Variants in ZFPM1 observed in about 807,000 individuals in gnomAD.
The protein encoded by ZFPM1 is zinc finger protein, FOG family member 1.
ZFPM1 carries 28 observed loss-of-function variants against 46.3 expected under a neutral mutation model. The observed-to-expected ratio is 0.60, with a 90% CI of 0.45 to 0.83. The LOEUF (loss-of-function observed/expected upper bound fraction) is 0.83. Among genes scored for constraint, ZFPM1 ranks in the 40% least tolerant of loss-of-function variants. The pLI is 0.00. For missense variants in ZFPM1, 1,878 were observed against 1,432.4 expected (o/e 1.31, Z -5.02); for synonymous variants, 957 against 675.9 (o/e 1.42, Z -6.45).
In ZFPM1 at chr16:88,533,221, G is replaced by A. The variant is rs1201688456; in HGVS notation, c.1263G>A (p.Ala421=). ...GPLASADLGL[A]PTPSPGLDRK... The stretch of plus-strand genomic sequence containing the variant: ...TGGCCTCCGCGGACCTGGGCCTGGC[G>A]CCCACCCCATCGCCAGGACTGGACA... Residue 421 remains alanine (A), a synonymous_variant, in exon 10 of 10, where the codon GCG becomes GCA. Coordinates refer to ENST00000319555, the MANE Select transcript of ZFPM1 (RefSeq NM_153813.3). 2.6e-6 allele frequency: 4 copies of A among 1,562,220 alleles called. No homozygotes were observed. The highest frequency in any genetic ancestry group is 3.7e-5 in the Admixed American group (2 of 53,498).
rs553868840 is a variant in ZFPM1 at position 88,509,759 on chromosome 16, A to G, written c.269-4628A>G. On this transcript the variant is annotated intron_variant, in intron 3 of 9. Transcript: ENST00000319555. ...GGATCCTCTGTCAGAGAGCAGCTTC[A>G]GGGTCTGGTCTCGGGAGCAACTGCC... Among the ~76,000 whole-genome samples the G allele has an allele frequency of 1.6e-4, 24 of 152,268 alleles. No homozygotes were observed. In the South Asian group the frequency reaches 4.8e-3, roughly 30 times the overall value.
At chr16:88,476,961 C>T (rs1157356419) in intron 1 of ZFPM1, among the ~76,000 whole-genome samples, 1 of 152,268 alleles carries the variant, frequency 6.6e-6, no homozygotes, top group Non-Finnish European at 1.5e-5. Flanking sequence ...GCTAGACACA[C>T]AGTGTGATAG....
intron 3 of ZFPM1, among the ~76,000 whole-genome samples, chr16:88,503,008 G>A (rs1217570961): frequency 1.3e-5 from 2 of 152,272 alleles, no homozygotes; most frequent in South Asian, 2.1e-4. Context: ...CTGGAAGGCT[G>A]TGTGCGGTCT....
At chr16:88,452,720 G>C (rs1016986995), upstream of ZFPM1, among the ~76,000 whole-genome samples, 2 of 152,394 alleles carry the variant, frequency 1.3e-5, no homozygotes, top group East Asian at 1.9e-4. Flanking sequence ...GTCTAGGGAG[G>C]GACCAAGGGC....
chr16:88,517,984 G>A (rs1263787575), intron 4 of ZFPM1, among the ~76,000 whole-genome samples: 2 of 152,142 alleles, frequency 1.3e-5, no homozygotes, highest in African/African-American at 4.8e-5. Flanking sequence ...GCCGAGGTGG[G>A]CGGATCATGA....
chr16:88,510,142 A>G (rs1357980605), intron 3 of ZFPM1, among the ~76,000 whole-genome samples: 2 of 152,102 alleles, frequency 1.3e-5, no homozygotes, highest in Non-Finnish European at 2.9e-5. Context: ...AGCCCGAGGG[A>G]ACGTCATGCT....
Position 88,514,379 on chromosome 16 carries a change from C to T in ZFPM1, c.269-8C>T, listed in dbSNP as rs1241305449. ...GGCACGCCTCATGCCTGCGATGTCT[C>T]TCTGCAGACGAGCTGGAGCCGGTGG... On this transcript the variant is annotated splice_region_variant and splice_polypyrimidine_tract_variant and intron_variant, in intron 3 of 9. Transcript: ENST00000319555. The T allele has an allele frequency of 1.9e-6, 3 of 1,563,742 alleles. No homozygotes were observed. Among genetic ancestry groups the T allele is most frequent in the Non-Finnish European group, 1.7e-6 (2 of 1,154,988 alleles).
intron 4 of ZFPM1, among the ~76,000 whole-genome samples, chr16:88,525,402 TGCACAAACCTGTCCCGGGCCA>T (rs1912235954): frequency 6.6e-6 from 1 of 152,246 alleles, no homozygotes; most frequent in Non-Finnish European, 1.5e-5. Flanking sequence ...ACCACAGGGC[TGCACAAACCTGTCCCGGGCCA>T]GCGGCAGCAT....
At position 88,453,664 on chromosome 16, in the gene ZFPM1, C is replaced by A; in HGVS notation, c.26C>A (p.Pro9His). 8.3e-7 allele frequency: 1 copy of A among 1,200,170 alleles called. No homozygotes were observed. The highest frequency in any genetic ancestry group is 1.1e-6 in the Non-Finnish European group (1 of 948,410). The allele number at this position is 1,200,170 out of a possible 1,614,324, so 74.3% of individuals were successfully genotyped here. ...ATGTCCAGGCGGAAACAGAGCAACC[C>A]CCGGCAGATCAAGCGTGAGTCAAAC... MSRRKQSN[P>H]RQIKRSLGDM... is the part of the protein sequence containing the mutation. Residue 9 changes from proline to histidine, a missense_variant, in exon 1 of 10, where the codon CCC (proline) becomes CAC (histidine). By Grantham distance (77) the Pro-to-His change is moderately conservative. Transcript: ENST00000319555.
intron 1 of ZFPM1, among the ~76,000 whole-genome samples, chr16:88,470,542 C>T (rs992861446): frequency 2.5e-4 from 36 of 146,570 alleles, no homozygotes; most frequent in Middle Eastern, 3.4e-3. Context: ...TGTGGAGGGC[C>T]GGGTGGTGAC....
chr16:88,532,315 C>A (rs562724155), intron 7 of ZFPM1, 80 bp downstream of exon 7: 6 of 1,314,144 alleles, frequency 4.6e-6, no homozygotes, highest in Non-Finnish European at 6.2e-6. Context: ...CGGGAAAACC[C>A]ACATGCAAGC....
rs1463443799 is a variant in ZFPM1 at position 88,501,334 on chromosome 16, C to T, written c.268+12181C>T. On this transcript the variant is annotated intron_variant, in intron 3 of 9. Transcript: ENST00000319555. ...ATGATGGAGATAGCAGACATGGGTG[C>T]GGGGCCCTCCCGCAGGTGCTGGTGA... 1.6e-4 allele frequency among the ~76,000 whole-genome samples: 12 copies of T among 75,440 alleles called. 1 individual carries two copies. Among genetic ancestry groups the T allele is most frequent in the African/African-American group, 2.1e-4 (3 of 14,058 alleles). 49.5% of individuals were successfully genotyped at this position (75,440 alleles called of 152,430 possible).
chr16:88,522,326 C>T (rs968175446), intron 4 of ZFPM1, among the ~76,000 whole-genome samples: 17 of 152,224 alleles, frequency 1.1e-4, no homozygotes, highest in African/African-American at 4.1e-4. Context: ...TGGAGGACTT[C>T]TCAGGGTGGG....
At position 88,536,789 on chromosome 16, in the gene ZFPM1, G is replaced by C. The variant is rs1435654155; in HGVS notation, c.*1810G>C. The C allele has an allele frequency of 6.6e-6, 1 of 152,208 alleles. No individual in the cohort carries two copies. Among genetic ancestry groups the C allele is most frequent in the Non-Finnish European group, 1.5e-5 (1 of 68,060 alleles). 9.4% of individuals were successfully genotyped at this position (152,208 alleles called of 1,614,324 possible). On this transcript the variant is annotated 3_prime_UTR_variant, in exon 10 of 10. Coordinates refer to ENST00000319555, the MANE Select transcript of ZFPM1 (RefSeq NM_153813.3). ...GAAGGCAAGCAGCCTTTTCCTCACA[G>C]ACACCCCTTCTGTTGAAGACCAGGT... is the stretch of plus-strand genomic sequence containing the variant.
At position 88,534,535 on chromosome 16, in the gene ZFPM1, C is replaced by G. The variant is rs1443242403; in HGVS notation, c.2577C>G (p.Cys859Trp). Reference protein sequence around the residue: ...LGLPAAACPYCPPNGPVRGDL... With the variant: ...LGLPAAACPYWPPNGPVRGDL... Reference sequence around the variant, plus strand: ...TGCCCGCCGCCGCCTGCCCCTACTGCCCCCCGAACGGCCCGGTGCGCGGGG... The same window carrying G: ...TGCCCGCCGCCGCCTGCCCCTACTGGCCCCCGAACGGCCCGGTGCGCGGGG... Residue 859 changes from cysteine (C) to tryptophan (W), a missense_variant, in exon 10 of 10, where the codon TGC becomes TGG. By Grantham distance (215) the Cys-to-Trp change is radical. Coordinates refer to ENST00000319555, the MANE Select transcript of ZFPM1 (RefSeq NM_153813.3). The G allele has an allele frequency of 1.4e-6, 2 of 1,394,308 alleles. No individual in the cohort carries two copies. The highest frequency in any genetic ancestry group is 1.9e-6 in the Non-Finnish European group (2 of 1,077,038). The allele number at this position is 1,394,308 out of a possible 1,614,324, so 86.4% of individuals were successfully genotyped here.
chr16:88,505,687 C>G (rs1408532796), intron 3 of ZFPM1, among the ~76,000 whole-genome samples: 2 of 152,174 alleles, frequency 1.3e-5, no homozygotes. Context: ...GCCGTCAGCT[C>G]CCGGGAACGC....
rs112753213 is a variant in ZFPM1 at position 88,515,836 on chromosome 16, G to A, written c.402+1316G>A. On this transcript the variant is annotated intron_variant, in intron 4 of 9. Transcript: ENST00000319555. ...GGGCGTGAGCTCCCCATCACTGTAC[G>A]CGTGTGAGCGGCAGTTGATCCTTCT... Among the ~76,000 whole-genome samples, 1,285 of 152,320 alleles carry A rather than the reference G, an allele frequency of 8.4e-3. 20 individuals are homozygous for A. Among genetic ancestry groups the A allele is most frequent in the African/African-American group, 0.029 (1,223 of 41,574 alleles).
At chr16:88,506,369 C>A (rs954570702) in intron 3 of ZFPM1, among the ~76,000 whole-genome samples, 1 of 152,114 alleles carries the variant, frequency 6.6e-6, no homozygotes, top group African/African-American at 2.4e-5. Context: ...TCTTCTAGGG[C>A]AGGGCGCTGG....
intron 6 of ZFPM1, chr16:88,531,144 C>T (rs1912754000): frequency 6.6e-6 from 1 of 152,228 alleles, no homozygotes; most frequent in Non-Finnish European, 1.5e-5. Flanking sequence ...ATAAGGAATC[C>T]CAGGGCCCCT....
Sources: allele counts gnomAD v4.1 joint callset (sites outside exome capture counted in the v4.1 genomes callset), GRCh38; gene constraint gnomAD v4.1.1; transcripts MANE v1.5; gene names NCBI Gene and HGNC (gene_info 2026-07-23, HGNC 2026-07-21).